Variants in GLIS3 observed in about 807,000 individuals in gnomAD.
GLIS3 encodes zinc finger protein GLIS3.
In GLIS3, 53 loss-of-function variants were observed where a neutral mutation model predicts 78.6. That is an observed-to-expected ratio of 0.67 (90% confidence interval 0.54 to 0.85). GLIS3 has a LOEUF of 0.85. Ranked by LOEUF, GLIS3 falls within the 40% of genes least tolerant of loss-of-function variation. GLIS3 has a pLI of 0.00. For synonymous variants in GLIS3, 684 were observed against 509.9 expected (o/e 1.34, Z -4.60); for missense variants, 1,703 against 1,231.1 (o/e 1.38, Z -5.74).
intron 6 of GLIS3, among the ~76,000 whole-genome samples, chr9:3,912,821 T>C (rs1389109255): frequency 6.6e-6 from 1 of 152,214 alleles, no homozygotes; most frequent in Admixed American, 6.5e-5. Flanking sequence ...CACTTTGCCA[T>C]GAAAAACATC....
chr9:3,893,980 A>C (rs144306921), intron 7 of GLIS3, among the ~76,000 whole-genome samples: 1 of 152,196 alleles, frequency 6.6e-6, no homozygotes, highest in Non-Finnish European at 1.5e-5. Flanking sequence ...GCATTCTCCA[A>C]TCTAACTCGG....
chr9:4,069,639 T>C (rs931446981), intron 4 of GLIS3, among the ~76,000 whole-genome samples: 3 of 152,078 alleles, frequency 2.0e-5, no homozygotes, highest in Non-Finnish European at 2.9e-5. Flanking sequence ...TACCTTCAGA[T>C]TGAGGTGAGA....
chr9:4,379,467 C>CTAA, the GLIS3 span, among the ~76,000 whole-genome samples: 4 of 152,184 alleles, frequency 2.6e-5, no homozygotes, highest in Admixed American at 1.3e-4. Context: ...GGAAGATTGA[C>CTAA]AACATTAGTC....
At chr9:3,981,570 G>C (rs1473482913) in intron 4 of GLIS3, among the ~76,000 whole-genome samples, 1 of 152,122 alleles carries the variant, frequency 6.6e-6, no homozygotes, top group East Asian at 1.9e-4. Flanking sequence ...CATAAACTTA[G>C]AGGACAGGAA....
intron 2 of GLIS3, among the ~76,000 whole-genome samples, chr9:4,156,290 C>T (rs900217042): frequency 6.6e-6 from 1 of 152,078 alleles, no homozygotes; most frequent in Non-Finnish European, 1.5e-5. Context: ...AGTCTCTGCC[C>T]TTTCCTACAC....
chr9:4,148,083 A>C (rs970838463), intron 2 of GLIS3, among the ~76,000 whole-genome samples: 1 of 152,020 alleles, frequency 6.6e-6, no homozygotes, highest in Non-Finnish European at 1.5e-5. Flanking sequence ...TTTCTTTTGC[A>C]TAGGAAAGAG....
At chr9:3,890,623 A>G (rs962340947) in intron 7 of GLIS3, among the ~76,000 whole-genome samples, 5 of 152,128 alleles carry the variant, frequency 3.3e-5, no homozygotes, top group African/African-American at 1.2e-4. Context: ...TATTATTATT[A>G]TAGAAAAGGA....
the GLIS3 span, among the ~76,000 whole-genome samples, chr9:4,399,311 T>G: frequency 6.6e-6 from 1 of 152,226 alleles, no homozygotes; most frequent in Non-Finnish European, 1.5e-5. Flanking sequence ...AGTGATTTAT[T>G]TTTTAAAAAA....
chr9:4,108,367 A>C (rs1248367427), intron 4 of GLIS3, among the ~76,000 whole-genome samples: 1 of 152,150 alleles, frequency 6.6e-6, no homozygotes, highest in Non-Finnish European at 1.5e-5. Context: ...GGAGAGCAAA[A>C]ATAAGGAGCA....
intron 2 of GLIS3, among the ~76,000 whole-genome samples, chr9:4,261,788 C>T (rs1162660034): frequency 2.6e-5 from 4 of 152,128 alleles, no homozygotes; most frequent in African/African-American, 7.2e-5. Context: ...CCTCACAAAC[C>T]CATGAAAATA....
chr9:3,948,272 T>C (rs925657722), intron 4 of GLIS3, among the ~76,000 whole-genome samples: 2 of 152,222 alleles, frequency 1.3e-5, no homozygotes, highest in Admixed American at 6.5e-5. Context: ...TCTCCTTTCT[T>C]GTGCTGATTT....
intron 2 of GLIS3, among the ~76,000 whole-genome samples, chr9:4,134,405 A>G (rs1189724440): frequency 6.6e-6 from 1 of 152,110 alleles, no homozygotes; most frequent in African/African-American, 2.4e-5. Flanking sequence ...ATTGGAAAAT[A>G]TTTTTATTTT....
At chr9:4,428,483 C>CAAAAAAA in the GLIS3 span, among the ~76,000 whole-genome samples, 3 of 48,462 alleles carry the variant, frequency 6.2e-5, no homozygotes, top group African/African-American at 2.6e-4. Flanking sequence ...GACTCTGTCT[C>CAAAAAAA]AAAAAAAAAA....
the GLIS3 span, among the ~76,000 whole-genome samples, chr9:4,462,378 TG>T: frequency 6.6e-6 from 1 of 151,992 alleles, no homozygotes; most frequent in East Asian, 1.9e-4. Context: ...AAGAGACCAG[TG>T]GGGGTGTTTT....
intron 2 of GLIS3, among the ~76,000 whole-genome samples, chr9:4,274,531 G>C (rs1054349647): frequency 6.6e-6 from 1 of 152,302 alleles, no homozygotes; most frequent in Non-Finnish European, 1.5e-5. Context: ...GCCAGAAGCA[G>C]AGGGTGGCAA....
intron 10 of GLIS3, 82 bp downstream of exon 10, chr9:3,829,228 C>T (rs1817899668): frequency 8.2e-7 from 1 of 1,219,350 alleles, no homozygotes; most frequent in Non-Finnish European, 1.2e-6. Flanking sequence ...TGGTCACGTC[C>T]AGCCCAGGTC....
rs192259225 is a variant in GLIS3 at position 4,006,064 on chromosome 9, T to C, written c.1711-68875A>G. Among the ~76,000 whole-genome samples the C allele has an allele frequency of 2.6e-5, 4 of 152,258 alleles. No homozygotes were observed. The East Asian group carries it at 5.8e-4, about 22-fold the overall frequency. Reference sequence around the variant, plus strand: ...GTTTCACTCTGAAATTCATAGCTATTATGGGAAGGAAACACGCAAACCACC... The same window carrying C: ...GTTTCACTCTGAAATTCATAGCTATCATGGGAAGGAAACACGCAAACCACC... On this transcript the variant is annotated intron_variant, in intron 4 of 10. Transcript: ENST00000381971.
intron 2 of GLIS3, among the ~76,000 whole-genome samples, chr9:4,256,637 G>C (rs1014419129): frequency 6.6e-6 from 1 of 152,122 alleles, no homozygotes; most frequent in Non-Finnish European, 1.5e-5. Context: ...CAGAGAGGTA[G>C]TAAAAGGTCT....
At chr9:4,159,701 G>A (rs1461659063) in intron 2 of GLIS3, among the ~76,000 whole-genome samples, 1 of 149,708 alleles carries the variant, frequency 6.7e-6, no homozygotes, top group Non-Finnish European at 1.5e-5. Flanking sequence ...CCTGGGTGAA[G>A]AAGTGAGACT....
Sources: gnomAD v4.1 joint callset for allele counts (sites outside exome capture counted in the v4.1 genomes callset) on GRCh38, gnomAD v4.1.1 for gene constraint, MANE v1.5 for transcripts, NCBI Gene and HGNC (gene_info 2026-07-23, HGNC 2026-07-21) for gene names.